The following TDRP variants were observed in gnomAD, a reference collection of about 807,000 sequenced individuals.
TDRP encodes the protein testis development related protein.
In TDRP, 12 loss-of-function variants were observed where a neutral mutation model predicts 10.5. The ratio of observed to expected loss-of-function variants is 1.15; its 90% CI spans 0.73 to 1.86. TDRP has a LOEUF of 1.86. Among genes scored for constraint, TDRP ranks in the 40% most tolerant of loss-of-function variants. The pLI is 0.00. For synonymous variants in TDRP, 139 were observed against 95.4 expected, an observed-to-expected ratio of 1.46 and a Z score of -2.67; for missense variants, 353 against 229.2, an observed-to-expected ratio of 1.54 and a Z score of -3.49.
intron 1 of TDRP, among the ~76,000 whole-genome samples, chr8:522,742 C>A (rs1425536171): frequency 6.6e-6 from 1 of 152,178 alleles, no homozygotes; most frequent in Non-Finnish European, 1.5e-5. Context: ...TCAACCCCTG[C>A]CTCTGATTCC....
At chr8:512,140 T>C (rs763749369) in intron 1 of TDRP, among the ~76,000 whole-genome samples, 3 of 150,102 alleles carry the variant, frequency 2.0e-5, no homozygotes, top group Non-Finnish European at 4.4e-5. Context: ...AAAAACAAAA[T>C]TGGGGCCGGA....
At chr8:533,405 C>A (rs930877688) in intron 1 of TDRP, among the ~76,000 whole-genome samples, 2 of 152,322 alleles carry the variant, frequency 1.3e-5, no homozygotes, top group African/African-American at 4.8e-5. Context: ...AAAACTTTCA[C>A]CTGCAGCTGC....
chr8:492,057 T>A lies in TDRP; in HGVS notation c.*342A>T. 1 of 1,141,954 alleles carries A rather than the reference T, an allele frequency of 8.8e-7. No individual in the cohort carries two copies. 70.7% of individuals were successfully genotyped at this position (1,141,954 alleles called of 1,614,324 possible). On this transcript the variant is annotated 3_prime_UTR_variant, in exon 3 of 3. Transcript: ENST00000324079. ...AGGTACGGAAGTTCTGAAACAGAAC[T>A]ACAACACAGAGCAGCATGAAAATCA... is the stretch of plus-strand genomic sequence containing the variant.
chr8:530,289 A>G (rs116381526), intron 1 of TDRP, among the ~76,000 whole-genome samples: 100 of 152,216 alleles, frequency 6.6e-4, no homozygotes, highest in African/African-American at 2.3e-3. Flanking sequence ...ACAGCATACT[A>G]AGCTTCTTTA....
At chr8:493,687 G>C (rs1219866912) in intron 2 of TDRP, among the ~76,000 whole-genome samples, 1 of 152,170 alleles carries the variant, frequency 6.6e-6, no homozygotes, top group East Asian at 1.9e-4. Flanking sequence ...AAAGTAGCAA[G>C]GTCAGTTTAA....
intron 1 of TDRP, among the ~76,000 whole-genome samples, chr8:543,260 C>A (rs1802548290): frequency 6.6e-6 from 1 of 152,110 alleles, no homozygotes; most frequent in African/African-American, 2.4e-5. Flanking sequence ...CCGTAGTGAG[C>A]CGAGATTGCG....
At chr8:516,091 G>C (rs564909148) in intron 1 of TDRP, among the ~76,000 whole-genome samples, 1 of 152,076 alleles carries the variant, frequency 6.6e-6, no homozygotes, top group African/African-American at 2.4e-5. Context: ...TGAATGGATG[G>C]CTGAACATTA....
rs775797007 is a variant in TDRP, at chr8:494,591, C to T, written c.115G>A (p.Gly39Arg). The stretch of plus-strand genomic sequence containing the variant: ...TCTTTCCAACCTCGGAAACTTGCTC[C>T]CTGAACCTAATAAAAGGTTAAGAAA... ...AAAAAQAQVQ[G>R]ASFRGWKEVT... Residue 39 changes from glycine (G) to arginine (R), a missense_variant, in exon 2 of 3, where the codon GGA becomes AGA. Physicochemically the swap from Gly to Arg is moderately radical, Grantham distance 125. Coordinates refer to ENST00000324079, the MANE Select transcript of TDRP (RefSeq NM_001384899.1). 6.8e-6 allele frequency: 11 copies of T among 1,613,704 alleles called. No homozygotes were observed. In the Admixed American group the frequency reaches 1.0e-4, roughly 15 times the overall value.
At chr8:529,575 C>CT (rs112089718) in intron 1 of TDRP, among the ~76,000 whole-genome samples, 104,765 of 151,496 alleles carry the variant, frequency 0.69, 36,570 homozygotes, top group African/African-American at 0.74. Flanking sequence ...ACTTCTTTGG[C>CT]TTTGGTTATC....
At chr8:533,245 C>T (rs1802255403) in intron 1 of TDRP, among the ~76,000 whole-genome samples, 1 of 152,208 alleles carries the variant, frequency 6.6e-6, no homozygotes, top group South Asian at 2.1e-4. Context: ...GACCCCATGT[C>T]ACTGCTGGGC....
intron 1 of TDRP, among the ~76,000 whole-genome samples, chr8:543,228 C>G (rs1212137817): frequency 6.6e-6 from 1 of 152,056 alleles, no homozygotes; most frequent in Non-Finnish European, 1.5e-5. Flanking sequence ...AGGAGAATAG[C>G]TTGAGCCCAG....
intron 1 of TDRP, among the ~76,000 whole-genome samples, chr8:540,635 G>T (rs1400462965): frequency 6.6e-6 from 1 of 151,832 alleles, no homozygotes; most frequent in African/African-American, 2.4e-5. Flanking sequence ...AAATAGATGT[G>T]TATTTATGAC....
At chr8:526,253 C>G (rs1802032022) in intron 1 of TDRP, among the ~76,000 whole-genome samples, 1 of 152,144 alleles carries the variant, frequency 6.6e-6, no homozygotes, top group South Asian at 2.1e-4. Context: ...CCATCTCAGC[C>G]TATCAAAGTG....
chr8:508,560 T>G (rs1231735355), intron 1 of TDRP, among the ~76,000 whole-genome samples: 1 of 152,110 alleles, frequency 6.6e-6, no homozygotes, highest in Non-Finnish European at 1.5e-5. Flanking sequence ...TCACTCACTA[T>G]CACAAGAATA....
intron 1 of TDRP, among the ~76,000 whole-genome samples, chr8:510,431 G>A (rs1801584515): frequency 1.3e-5 from 2 of 152,176 alleles, no homozygotes; most frequent in South Asian, 2.1e-4. Flanking sequence ...AAGATCAGAT[G>A]TAATCTTTAT....
At chr8:496,578 G>C (rs1337721333) in intron 1 of TDRP, among the ~76,000 whole-genome samples, 1 of 152,156 alleles carries the variant, frequency 6.6e-6, no homozygotes, top group Non-Finnish European at 1.5e-5. Context: ...CCCATTCCCA[G>C]GCCTGCTGTG....
intron 1 of TDRP, among the ~76,000 whole-genome samples, chr8:515,019 G>A (rs1251639819): frequency 6.6e-6 from 1 of 152,162 alleles, no homozygotes; most frequent in Non-Finnish European, 1.5e-5. Context: ...TAATATGTAT[G>A]ATTAAATATT....
intron 1 of TDRP, among the ~76,000 whole-genome samples, chr8:516,347 A>C (rs1801757497): frequency 6.6e-6 from 1 of 152,260 alleles, no homozygotes; most frequent in African/African-American, 2.4e-5. Context: ...ACTTGGAGAA[A>C]ATATTTGGAA....
intron 1 of TDRP, among the ~76,000 whole-genome samples, chr8:505,847 G>A (rs555456251): frequency 5.3e-5 from 8 of 152,110 alleles, no homozygotes; most frequent in Admixed American, 2.6e-4. Flanking sequence ...CAAATCACAC[G>A]CAAAGTCAGC....
Sources: allele counts gnomAD v4.1 joint callset (sites outside exome capture counted in the v4.1 genomes callset), GRCh38; gene constraint gnomAD v4.1.1; transcripts MANE v1.5; gene names NCBI Gene and HGNC (gene_info 2026-07-23, HGNC 2026-07-21).